LINGO2: variants seen among roughly 807,000 people sequenced by gnomAD.
LINGO2 encodes the protein leucine rich repeat and Ig domain containing 2, also known as leucine-rich repeat and immunoglobulin-like domain-containing nogo receptor-interacting protein 2.
In LINGO2, 14 loss-of-function variants were observed where a neutral mutation model predicts 30.6. The observed-to-expected ratio is 0.46, with a 90% CI of 0.30 to 0.72. The LOEUF is 0.72. LINGO2 is among the 30% of genes least tolerant of loss of function. The pLI is 0.07. For synonymous variants in LINGO2, 317 were observed against 288.5 expected, an observed-to-expected ratio of 1.10 and a Z score of -1.00; for missense variants, 729 against 751.7, an observed-to-expected ratio of 0.97 and a Z score of 0.35.
chr9:28,159,301 C>T (rs1828221688), intron 4 of LINGO2, among the ~76,000 whole-genome samples: 1 of 152,114 alleles, frequency 6.6e-6, no homozygotes, highest in Admixed American at 6.6e-5. Flanking sequence ...GAAACTGTCA[C>T]AGAATATTTT....
intron 1 of LINGO2, among the ~76,000 whole-genome samples, chr9:28,659,604 C>T (rs541193427): frequency 2.7e-4 from 41 of 152,076 alleles, no homozygotes; most frequent in Non-Finnish European, 4.9e-4. Flanking sequence ...CATGCAACCA[C>T]AGCCAGCAAT....
In LINGO2 at chr9:28,118,136, T is replaced by G. The variant is rs111252303; in HGVS notation, c.-86-105731A>C. Reference sequence around the variant, plus strand: ...AAAGAATAGCTAACACATGCTGGGCTTAATACTTAGATGATGGATTGATAG... The same window carrying G: ...AAAGAATAGCTAACACATGCTGGGCGTAATACTTAGATGATGGATTGATAG... On this transcript the variant is annotated intron_variant, in intron 4 of 5. Coordinates refer to ENST00000379992, the Ensembl canonical transcript of LINGO2. Among the ~76,000 whole-genome samples, 1,234 of 152,172 alleles carry G rather than the reference T, an allele frequency of 8.1e-3. 27 individuals are homozygous for G. The highest frequency in any genetic ancestry group is 0.027 in the African/African-American group (1,121 of 41,518).
intron 3 of LINGO2, among the ~76,000 whole-genome samples, chr9:28,298,215 TTAGA>T (rs1823996649): frequency 1.3e-5 from 2 of 151,930 alleles, no homozygotes; most frequent in South Asian, 2.1e-4. Context: ...TAAAATGCTC[TTAGA>T]TAGTAGGTGA....
chr9:28,980,077 T>G, the LINGO2 span, among the ~76,000 whole-genome samples: 1 of 152,142 alleles, frequency 6.6e-6, no homozygotes, highest in Non-Finnish European at 1.5e-5. Flanking sequence ...CTTCCAACAG[T>G]GTTTACAACT....
chr9:28,828,354 G>C, the LINGO2 span, among the ~76,000 whole-genome samples: 1 of 151,926 alleles, frequency 6.6e-6, no homozygotes, highest in South Asian at 2.1e-4. Flanking sequence ...AAATATTTTA[G>C]ATATTTTAAT....
chr9:28,520,300 A>G (rs2135397131), intron 1 of LINGO2, among the ~76,000 whole-genome samples: 1 of 152,268 alleles, frequency 6.6e-6, no homozygotes, highest in South Asian at 2.1e-4. Flanking sequence ...TAGGTTTTTA[A>G]GTAGGTGACA....
At chr9:28,853,981 A>G in the LINGO2 span, among the ~76,000 whole-genome samples, 9 of 152,014 alleles carry the variant, frequency 5.9e-5, no homozygotes, top group African/African-American at 1.2e-4. Context: ...AGTTATGAAG[A>G]TTAAATAAAA....
intron 3 of LINGO2, among the ~76,000 whole-genome samples, chr9:28,322,928 G>A (rs888607052): frequency 6.6e-6 from 1 of 152,176 alleles, no homozygotes; most frequent in Non-Finnish European, 1.5e-5. Context: ...TGTACACAGT[G>A]AGACACAGTG....
intron 2 of LINGO2, among the ~76,000 whole-genome samples, chr9:28,465,079 GA>G (rs1204003107): frequency 1.3e-5 from 2 of 152,190 alleles, no homozygotes; most frequent in Non-Finnish European, 2.9e-5. Context: ...TCTGGATCCT[GA>G]AAGGGTGAGT....
intron 4 of LINGO2, among the ~76,000 whole-genome samples, chr9:28,239,399 T>C (rs1028792072): frequency 2.0e-5 from 3 of 152,056 alleles, no homozygotes; most frequent in Non-Finnish European, 4.4e-5. Context: ...AAAATACTAG[T>C]AAACTAAATT....
the LINGO2 span, among the ~76,000 whole-genome samples, chr9:29,180,739 A>T: frequency 6.6e-6 from 1 of 152,200 alleles, no homozygotes; most frequent in South Asian, 2.1e-4. Context: ...CATCTCGTTC[A>T]TTTCTATCAA....
chr9:28,501,582 T>A (rs1446682041), intron 1 of LINGO2, among the ~76,000 whole-genome samples: 1 of 152,098 alleles, frequency 6.6e-6, no homozygotes, highest in Non-Finnish European at 1.5e-5. Flanking sequence ...ATTTATTACA[T>A]TTCCCTAGTA....
At chr9:28,054,365 T>C (rs1824819588) in intron 4 of LINGO2, among the ~76,000 whole-genome samples, 1 of 152,072 alleles carries the variant, frequency 6.6e-6, no homozygotes, top group African/African-American at 2.4e-5. Flanking sequence ...ACTTAGATGC[T>C]ACAAGATGCC....
chr9:28,261,495 A>G (rs1822561978), intron 4 of LINGO2, among the ~76,000 whole-genome samples: 1 of 151,970 alleles, frequency 6.6e-6, no homozygotes, highest in South Asian at 2.1e-4. Flanking sequence ...AAATCTCACT[A>G]TAGTCAAATC....
At chr9:29,197,400 T>C in the LINGO2 span, among the ~76,000 whole-genome samples, 1 of 152,030 alleles carries the variant, frequency 6.6e-6, no homozygotes, top group Non-Finnish European at 1.5e-5. Flanking sequence ...AATTTCTACT[T>C]CTGATCATCA....
At chr9:29,067,169 T>G in the LINGO2 span, among the ~76,000 whole-genome samples, 1 of 151,868 alleles carries the variant, frequency 6.6e-6, no homozygotes. Flanking sequence ...AAGTTATTAA[T>G]ATTTCTTAGC....
chr9:28,595,310 T>C (rs1825123561), intron 1 of LINGO2, among the ~76,000 whole-genome samples: 1 of 152,088 alleles, frequency 6.6e-6, no homozygotes, highest in Non-Finnish European at 1.5e-5. Context: ...TTTGTTTGTT[T>C]AGTGTATGTT....
intron 3 of LINGO2, among the ~76,000 whole-genome samples, chr9:28,311,018 A>G (rs887379462): frequency 3.3e-5 from 5 of 152,150 alleles, no homozygotes; most frequent in African/African-American, 1.2e-4. Flanking sequence ...CCGATATTTC[A>G]TGTAGATTCT....
chr9:29,150,278 T>C, the LINGO2 span, among the ~76,000 whole-genome samples: 2 of 152,188 alleles, frequency 1.3e-5, no homozygotes, highest in Non-Finnish European at 2.9e-5. Context: ...CAATTGAATA[T>C]ATTCCATTTA....
Sources: allele counts gnomAD v4.1 joint callset (sites outside exome capture counted in the v4.1 genomes callset), GRCh38; gene constraint gnomAD v4.1.1; transcripts MANE v1.5; gene names NCBI Gene and HGNC (gene_info 2026-07-23, HGNC 2026-07-21).